DOP1B: variants seen among roughly 807,000 people sequenced by gnomAD.
DOP1B encodes the protein protein DOP1B.
DOP1B carries 174 observed loss-of-function variants against 233.5 expected under a neutral mutation model. The observed-to-expected ratio is 0.75, with a 90% CI of 0.66 to 0.85. The LOEUF is 0.85. Among genes scored for constraint, DOP1B ranks in the 40% least tolerant of loss-of-function variants. The pLI, the probability that DOP1B is intolerant of heterozygous loss-of-function variation, is 0.00. For synonymous variants in DOP1B, 1,190 were observed against 1,185.6 expected, an observed-to-expected ratio of 1.00 and a Z score of -0.08; for missense variants, 2,652 against 2,846.6, an observed-to-expected ratio of 0.93 and a Z score of 1.56.
At chr21:36,196,806 G>A (rs546549398) in intron 2 of DOP1B, among the ~76,000 whole-genome samples, 1 of 152,282 alleles carries the variant, frequency 6.6e-6, no homozygotes, top group South Asian at 2.1e-4. Flanking sequence ...TGCAGTCCCA[G>A]CTATTCAGGA....
intron 2 of DOP1B, 68 bp downstream of exon 2, chr21:36,164,939 G>C: frequency 7.8e-7 from 1 of 1,283,918 alleles, no homozygotes; most frequent in African/African-American, 1.5e-5. Flanking sequence ...ATTATTATAA[G>C]AAATTACATG....
chr21:36,268,359 C>G (rs534340523), intron 26 of DOP1B, among the ~76,000 whole-genome samples: 35 of 152,170 alleles, frequency 2.3e-4, no homozygotes, highest in Non-Finnish European at 4.3e-4. Flanking sequence ...CTCTTTTTTC[C>G]CAACCCCACA....
At chr21:36,224,062 A>G (rs1202198186) in intron 11 of DOP1B, among the ~76,000 whole-genome samples, 3 of 152,100 alleles carry the variant, frequency 2.0e-5, no homozygotes, top group Non-Finnish European at 4.4e-5. Flanking sequence ...CAACCCTGGG[A>G]AAAATAAGTT....
chr21:36,161,279 G>T (rs1484469711), intron 1 of DOP1B, among the ~76,000 whole-genome samples: 1 of 152,020 alleles, frequency 6.6e-6, no homozygotes, highest in Non-Finnish European at 1.5e-5. Context: ...CTGAATAGCT[G>T]GGATTACAGC....
Position 36,230,545 on chromosome 21 carries a change from G to A in DOP1B, c.1761G>A (p.Glu587=). 6.2e-7 allele frequency: 1 copy of A among 1,614,214 alleles called. No individual in the cohort carries two copies. The highest frequency in any genetic ancestry group is 8.5e-7 in the Non-Finnish European group (1 of 1,180,052). ...CTTCGTTTCCCCCTCTGAAGTCTGA[G>A]GACAGTGGGATCGGGCTCAGTGCCT... The part of the protein sequence containing the change: ...EDASFPPLKS[E]DSGIGLSASS... Residue 587 remains glutamate, a synonymous_variant, in exon 14 of 37, where the codon GAG becomes GAA. Transcript: ENST00000691173.
chr21:36,253,699 C>A, intron 22 of DOP1B, 73 bp from the exon 23 acceptor site: 2 of 1,485,126 alleles, frequency 1.3e-6, no homozygotes, highest in Non-Finnish European at 1.8e-6. Flanking sequence ...CTGTAGAATA[C>A]AATAAGGATG....
intron 5 of DOP1B, among the ~76,000 whole-genome samples, chr21:36,210,970 G>C (rs1156557567): frequency 1.3e-5 from 2 of 152,188 alleles, no homozygotes; most frequent in Non-Finnish European, 2.9e-5. Flanking sequence ...GCCTCACAGT[G>C]CCTTTGCTCC....
At chr21:36,276,630 C>T (rs2067351869) in intron 27 of DOP1B, among the ~76,000 whole-genome samples, 1 of 152,010 alleles carries the variant, frequency 6.6e-6, no homozygotes, top group African/African-American at 2.4e-5. Flanking sequence ...CGCTTGAGGC[C>T]AGGAGTTCGA....
At chr21:36,176,381 C>T (rs934985348) in intron 2 of DOP1B, among the ~76,000 whole-genome samples, 8 of 152,108 alleles carry the variant, frequency 5.3e-5, no homozygotes, top group South Asian at 2.1e-4. Flanking sequence ...AACAAGGCTA[C>T]GAGCCCTGCC....
chr21:36,225,697 C>T (rs779751459), intron 12 of DOP1B, 30 bp downstream of exon 12: 3 of 1,607,294 alleles, frequency 1.9e-6, no homozygotes, highest in Non-Finnish European at 2.6e-6. Flanking sequence ...CATCTCAACG[C>T]CTGCTATTAT....
At chr21:36,181,212 T>G (rs1364434223) in intron 2 of DOP1B, among the ~76,000 whole-genome samples, 1 of 152,136 alleles carries the variant, frequency 6.6e-6, no homozygotes, top group Non-Finnish European at 1.5e-5. Flanking sequence ...CAGTTAAGCA[T>G]GTTATTCAGA....
chr21:36,287,804 C>T (rs2067503827), intron 32 of DOP1B, among the ~76,000 whole-genome samples: 4 of 151,862 alleles, frequency 2.6e-5, no homozygotes, highest in Non-Finnish European at 4.4e-5. Context: ...CCAGGCTGGC[C>T]TCGAACTCCT....
chr21:36,274,055 G>T (rs1009484347), intron 27 of DOP1B, among the ~76,000 whole-genome samples: 1 of 152,064 alleles, frequency 6.6e-6, no homozygotes, highest in Admixed American at 6.6e-5. Flanking sequence ...TCCAGCCTAG[G>T]CAACAGAGAC....
intron 2 of DOP1B, among the ~76,000 whole-genome samples, chr21:36,191,685 C>T (rs748555506): frequency 1.3e-5 from 2 of 151,578 alleles, no homozygotes; most frequent in East Asian, 1.9e-4. Context: ...ACTTGGGAGG[C>T]GGAGGCAGGA....
At chr21:36,210,737 C>T (rs544901169) in intron 5 of DOP1B, among the ~76,000 whole-genome samples, 4 of 151,798 alleles carry the variant, frequency 2.6e-5, no homozygotes, top group Admixed American at 6.6e-5. Context: ...GCTTGAACGC[C>T]GGTGGCAGAG....
intron 11 of DOP1B, among the ~76,000 whole-genome samples, chr21:36,224,766 A>G: frequency 6.6e-6 from 1 of 151,292 alleles, no homozygotes; most frequent in East Asian, 1.9e-4. Context: ...AGTATAAGAT[A>G]AGCAACTAAC....
chr21:36,179,411 C>T lies in DOP1B; in HGVS notation c.138+14540C>T, dbSNP rs190867483. Among the ~76,000 whole-genome samples the T allele has an allele frequency of 2.0e-3, 304 of 152,292 alleles. 1 individual carries two copies. The highest frequency in any genetic ancestry group is 8.4e-3 in the Admixed American group (128 of 15,290). ...CATTTTAATGAGAGTGTAATACTCT[C>T]TTATTGTGGCTTTTGCATTTTGTAC... On this transcript the variant is annotated intron_variant, in intron 2 of 36. Coordinates refer to ENST00000691173, the MANE Select transcript of DOP1B (RefSeq NM_001320714.2).
intron 2 of DOP1B, among the ~76,000 whole-genome samples, chr21:36,178,786 T>C (rs1162001527): frequency 1.3e-5 from 2 of 152,264 alleles, no homozygotes; most frequent in Admixed American, 1.3e-4. Flanking sequence ...AAATAGTCTT[T>C]TCCTTTTAAA....
At chr21:36,241,033 C>G (rs1363616330) in intron 18 of DOP1B, among the ~76,000 whole-genome samples, 2 of 151,856 alleles carry the variant, frequency 1.3e-5, no homozygotes, top group Admixed American at 1.3e-4. Context: ...GGTGGCTCAC[C>G]CCTGTAATCC....
Sources: gnomAD v4.1 joint callset for allele counts (sites outside exome capture counted in the v4.1 genomes callset) on GRCh38, gnomAD v4.1.1 for gene constraint, MANE v1.5 for transcripts, NCBI Gene and HGNC (gene_info 2026-07-23, HGNC 2026-07-21) for gene names.